Variants in NRXN3 observed in about 807,000 individuals in gnomAD.
The protein encoded by NRXN3 is neurexin III.
A neutral mutation model predicts 137.6 loss-of-function variants in NRXN3; 32 were observed. The observed-to-expected ratio is 0.23, with a 90% CI of 0.18 to 0.31. The LOEUF (loss-of-function observed/expected upper bound fraction) is 0.31, where lower values mean the gene tolerates loss of function less well. Among genes scored for constraint, NRXN3 ranks in the 10% least tolerant of loss-of-function variants. The pLI is 1.00. For synonymous variants in NRXN3, 798 were observed against 784.5 expected (o/e 1.02, Z -0.29); for missense variants, 1,574 against 2,062.5 (o/e 0.76, Z 4.59).
chr14:79,034,380 G>GT (rs2099612740), intron 15 of NRXN3, among the ~76,000 whole-genome samples: 2 of 65,360 alleles, frequency 3.1e-5, no homozygotes, highest in Non-Finnish European at 6.5e-5. Context: ...ACACACACAG[G>GT]TTTTTTGGAA....
intron 4 of NRXN3, among the ~76,000 whole-genome samples, chr14:78,457,965 G>T (rs182262013): frequency 1.3e-5 from 2 of 152,082 alleles, no homozygotes; most frequent in Non-Finnish European, 2.9e-5. Flanking sequence ...GACACCCCCC[G>T]CTCCAGTTTA....
chr14:78,830,104 C>T (rs1007396440), intron 10 of NRXN3, among the ~76,000 whole-genome samples: 4 of 152,080 alleles, frequency 2.6e-5, no homozygotes, highest in East Asian at 1.9e-4. Context: ...AAAATTGCTT[C>T]GAAATACATA....
At chr14:79,235,141 A>G (rs1327466849) in intron 15 of NRXN3, among the ~76,000 whole-genome samples, 1 of 152,100 alleles carries the variant, frequency 6.6e-6, no homozygotes, top group Admixed American at 6.6e-5. Context: ...TTGATTTATG[A>G]GAGATCAATT....
chr14:79,512,511 G>A (rs578069260), intron 16 of NRXN3, among the ~76,000 whole-genome samples: 5 of 152,338 alleles, frequency 3.3e-5, no homozygotes, highest in African/African-American at 1.2e-4. Context: ...AATAGTTTCA[G>A]TGACAGATCA....
At chr14:78,429,342 G>A (rs2153685733) in intron 4 of NRXN3, among the ~76,000 whole-genome samples, 1 of 152,208 alleles carries the variant, frequency 6.6e-6, no homozygotes, top group African/African-American at 2.4e-5. Flanking sequence ...GCCTCCCAAA[G>A]TGCTGGGATT....
At chr14:79,665,285 C>T (rs1175766680) in intron 17 of NRXN3, among the ~76,000 whole-genome samples, 1 of 152,068 alleles carries the variant, frequency 6.6e-6, no homozygotes, top group Non-Finnish European at 1.5e-5. Flanking sequence ...ATTGATTTGC[C>T]ATCTCGGTTT....
intron 20 of NRXN3, among the ~76,000 whole-genome samples, chr14:79,851,250 T>C (rs747885498): frequency 6.6e-6 from 1 of 152,200 alleles, no homozygotes; most frequent in Non-Finnish European, 1.5e-5. Flanking sequence ...TTTGATGCCT[T>C]TTGAGACCGA....
At chr14:79,730,128 A>C (rs1248437469) in intron 19 of NRXN3, among the ~76,000 whole-genome samples, 1 of 152,178 alleles carries the variant, frequency 6.6e-6, no homozygotes, top group Non-Finnish European at 1.5e-5. Context: ...GTGTATGCGG[A>C]GTTTGATAGG....
chr14:78,988,207 G>T (rs770673483), intron 15 of NRXN3, 66 bp downstream of exon 15: 3 of 1,583,428 alleles, frequency 1.9e-6, no homozygotes, highest in Non-Finnish European at 2.6e-6. Context: ...GAATCTTAAA[G>T]GACAATATGT....
rs746382344 is a variant in NRXN3, at chr14:78,243,507, G to A, written c.414G>A (p.Arg138=). 3 of 1,594,368 alleles carry A rather than the reference G, an allele frequency of 1.9e-6. No homozygotes were observed. The highest frequency in any genetic ancestry group is 1.7e-4 in the Middle Eastern group (1 of 6,056). ...AGTCTGGGGAGCTGCAGCCCCAGCGGCCCTACATGGATGTGGTCAGTGACT... is the reference window on the plus strand; with the variant it reads ...AGTCTGGGGAGCTGCAGCCCCAGCGACCCTACATGGATGTGGTCAGTGACT... The part of the protein sequence containing the change: ...EGQSGELQPQ[R]PYMDVVSDLF... Residue 138 remains arginine (R), a synonymous_variant, in exon 2 of 21, where the codon CGG becomes CGA. Coordinates refer to ENST00000335750, the MANE Select transcript of NRXN3 (RefSeq NM_001330195.2). The surrounding 1 kb of genome is among the most constrained non-coding windows in gnomAD (Gnocchi z 4.2).
At chr14:78,725,426 A>C (rs1320237324) in intron 8 of NRXN3, among the ~76,000 whole-genome samples, 1 of 152,254 alleles carries the variant, frequency 6.6e-6, no homozygotes, top group Non-Finnish European at 1.5e-5. Flanking sequence ...TAATGTCATC[A>C]TTCCTGTAGT....
At chr14:78,907,865 T>G (rs989073664) in intron 10 of NRXN3, among the ~76,000 whole-genome samples, 4 of 152,080 alleles carry the variant, frequency 2.6e-5, no homozygotes, top group African/African-American at 9.7e-5. Context: ...ATCATTTAAC[T>G]CCCACTTATA....
Position 79,525,476 on chromosome 14 carries a change from T to C in NRXN3, c.3444+58074T>C, listed in dbSNP as rs528119166. 2.0e-5 allele frequency among the ~76,000 whole-genome samples: 3 copies of C among 152,288 alleles called. No individual in the cohort carries two copies. In the East Asian group the frequency reaches 5.8e-4, roughly 29 times the overall value. On this transcript the variant is annotated intron_variant, in intron 16 of 20. Coordinates refer to ENST00000335750, the MANE Select transcript of NRXN3 (RefSeq NM_001330195.2). ...CTCTATTCTTCTGGAAATCGAACACTCTAGAAACATAGTTTTCCTTTTAGC... is the reference window on the plus strand; with the variant it reads ...CTCTATTCTTCTGGAAATCGAACACCCTAGAAACATAGTTTTCCTTTTAGC...
At chr14:78,835,273 G>C (rs542787146) in intron 10 of NRXN3, among the ~76,000 whole-genome samples, 1 of 152,174 alleles carries the variant, frequency 6.6e-6, no homozygotes, top group Non-Finnish European at 1.5e-5. Flanking sequence ...CAGCCACCCC[G>C]TATGGGATTT....
chr14:78,881,019 C>G (rs1316608869), intron 10 of NRXN3, among the ~76,000 whole-genome samples: 1 of 151,908 alleles, frequency 6.6e-6, no homozygotes, highest in Non-Finnish European at 1.5e-5. Context: ...AGTGAGTTCT[C>G]ACAAGATTTG....
intron 19 of NRXN3, among the ~76,000 whole-genome samples, chr14:79,733,809 T>A (rs2098932797): frequency 6.6e-6 from 1 of 152,026 alleles, no homozygotes; most frequent in African/African-American, 2.4e-5. Context: ...AATGAGAGTG[T>A]CTAAATTTAT....
chr14:79,531,632 A>T (rs534607765), intron 16 of NRXN3, among the ~76,000 whole-genome samples: 2 of 152,330 alleles, frequency 1.3e-5, no homozygotes, highest in South Asian at 4.2e-4. Flanking sequence ...TATTAAGAAA[A>T]TTATAAGATA....
rs142948108 is a variant in NRXN3 at position 78,811,414 on chromosome 14, T to C, written c.2275+1070T>C. 9.9e-5 allele frequency among the ~76,000 whole-genome samples: 15 copies of C among 152,274 alleles called. No individual in the cohort carries two copies. In the East Asian group the frequency reaches 2.5e-3, roughly 26 times the overall value. On this transcript the variant is annotated intron_variant, in intron 10 of 20. Coordinates refer to ENST00000335750, the MANE Select transcript of NRXN3 (RefSeq NM_001330195.2). ...TTGGGTGGTTGTGCAGTAGGTTTTA[T>C]TGCCTTGCCTGGAAGTAACAAACAT...
At chr14:78,536,651 A>G (rs1175411927) in intron 4 of NRXN3, among the ~76,000 whole-genome samples, 1 of 151,922 alleles carries the variant, frequency 6.6e-6, no homozygotes, top group Non-Finnish European at 1.5e-5. Context: ...GTACATGTGC[A>G]CAACGTGCAG....
Sources: gnomAD v4.1 joint callset for allele counts (sites outside exome capture counted in the v4.1 genomes callset) on GRCh38, gnomAD v4.1.1 for gene constraint, Gnocchi (gnomAD v3.1) non-coding constraint, MANE v1.5 for transcripts, NCBI Gene and HGNC (gene_info 2026-07-23, HGNC 2026-07-21) for gene names.